The following SLC1A1 variants were observed in gnomAD, a reference collection of about 807,000 sequenced individuals.
SLC1A1 encodes excitatory amino acid transporter 3.
SLC1A1 carries 43 observed loss-of-function variants against 53.3 expected under a neutral mutation model. That is an observed-to-expected ratio of 0.81 (90% CI 0.63 to 1.04). The LOEUF is 1.04. Ranked by LOEUF, SLC1A1 falls within the 50% of genes least tolerant of loss-of-function variation. SLC1A1 has a pLI of 0.00. For synonymous variants in SLC1A1, 307 were observed against 243.2 expected, an observed-to-expected ratio of 1.26 and a Z score of -2.44; for missense variants, 748 against 664.9, an observed-to-expected ratio of 1.12 and a Z score of -1.37.
chr9:4,575,904 A>G, intron 8 of SLC1A1, 97 bp from the exon 9 acceptor site: 1 of 1,456,980 alleles, frequency 6.9e-7, no homozygotes, highest in Non-Finnish European at 9.6e-7. Context: ...TATGAAAGTC[A>G]AACAATTTTA....
intron 1 of SLC1A1, among the ~76,000 whole-genome samples, chr9:4,525,109 G>C (rs140408854): frequency 3.0e-4 from 45 of 152,270 alleles, no homozygotes; most frequent in Non-Finnish European, 5.4e-4. Context: ...CTTGGCCCAC[G>C]TGAGTGAAGG....
At chr9:4,503,533 C>G (rs1018474189) in intron 1 of SLC1A1, among the ~76,000 whole-genome samples, 7 of 151,624 alleles carry the variant, frequency 4.6e-5, no homozygotes, top group African/African-American at 1.7e-4. Context: ...TGGGAAAGTT[C>G]CTGGAGGAGG....
intron 1 of SLC1A1, among the ~76,000 whole-genome samples, chr9:4,511,285 T>C (rs1008811821): frequency 2.0e-5 from 3 of 152,138 alleles, no homozygotes; most frequent in Non-Finnish European, 4.4e-5. Context: ...CCGTGTCTGC[T>C]GAGGGCCCAC....
chr9:4,538,776 A>C (rs960326461), intron 1 of SLC1A1, among the ~76,000 whole-genome samples: 1 of 152,224 alleles, frequency 6.6e-6, no homozygotes, highest in African/African-American at 2.4e-5. Context: ...CTCTTTAGGG[A>C]GGCAGGAAGA....
intron 8 of SLC1A1, among the ~76,000 whole-genome samples, chr9:4,574,304 G>A (rs1402373199): frequency 1.3e-5 from 2 of 152,200 alleles, no homozygotes; most frequent in South Asian, 2.1e-4. Context: ...AAACCCACTC[G>A]TAGCCTCCCT....
At chr9:4,510,224 A>G (rs572672962) in intron 1 of SLC1A1, among the ~76,000 whole-genome samples, 58 of 152,312 alleles carry the variant, frequency 3.8e-4, no homozygotes, top group African/African-American at 1.3e-3. Flanking sequence ...GCCTCTAGCT[A>G]TATACCAGCA....
Position 4,542,746 on chromosome 9 carries a change from G to A in SLC1A1, c.92-1821G>A, listed in dbSNP as rs1418964246. On this transcript the variant is annotated intron_variant, in intron 1 of 11. Coordinates refer to ENST00000262352, the MANE Select transcript of SLC1A1 (RefSeq NM_004170.6). ...AGGCAGTTTATAAAGCAGGAAGTGA[G>A]CACATCGTACTTTTTAAATTTATTT... Among the ~76,000 whole-genome samples the A allele has an allele frequency of 5.3e-5, 8 of 152,236 alleles. No individual in the cohort carries two copies. In the East Asian group the frequency reaches 1.5e-3, roughly 29 times the overall value.
chr9:4,532,758 T>C (rs1327831190), intron 1 of SLC1A1, among the ~76,000 whole-genome samples: 1 of 151,994 alleles, frequency 6.6e-6, no homozygotes, highest in Non-Finnish European at 1.5e-5. Flanking sequence ...ACACACATAA[T>C]TGTCAGATTC....
At chr9:4,577,353 A>G (rs2129822065) in intron 10 of SLC1A1, among the ~76,000 whole-genome samples, 1 of 152,374 alleles carries the variant, frequency 6.6e-6, no homozygotes, top group African/African-American at 2.4e-5. Context: ...TAAAGGATAC[A>G]TAAACATTCC....
chr9:4,513,011 T>C (rs1298411801), intron 1 of SLC1A1, among the ~76,000 whole-genome samples: 1 of 152,004 alleles, frequency 6.6e-6, no homozygotes, highest in Non-Finnish European at 1.5e-5. Flanking sequence ...TTGGAACAAC[T>C]AGACATCATA....
At chr9:4,513,671 A>G (rs1312377398) in intron 1 of SLC1A1, among the ~76,000 whole-genome samples, 1 of 152,238 alleles carries the variant, frequency 6.6e-6, no homozygotes, top group Non-Finnish European at 1.5e-5. Context: ...ATACAGCTTT[A>G]TGATATGGCA....
intron 2 of SLC1A1, among the ~76,000 whole-genome samples, chr9:4,559,062 A>G (rs1818690257): frequency 6.6e-6 from 1 of 152,226 alleles, no homozygotes; most frequent in Non-Finnish European, 1.5e-5. Context: ...TTTCTTTAAG[A>G]GACCTAAACT....
intron 6 of SLC1A1, among the ~76,000 whole-genome samples, chr9:4,570,912 G>GT (rs1819971277): frequency 7.2e-6 from 1 of 138,842 alleles, no homozygotes; most frequent in Non-Finnish European, 1.5e-5. Flanking sequence ...GACCCTGTCT[G>GT]TTTAAAAAAA....
chr9:4,494,335 TACTC>T (rs1346986620), intron 1 of SLC1A1, among the ~76,000 whole-genome samples: 22 of 152,322 alleles, frequency 1.4e-4, no homozygotes, highest in Admixed American at 4.6e-4. Flanking sequence ...GTGTGAAAGA[TACTC>T]AGTTGTGTGG....
intron 3 of SLC1A1, among the ~76,000 whole-genome samples, chr9:4,563,089 G>A (rs1426684682): frequency 6.8e-6 from 1 of 147,254 alleles, no homozygotes; most frequent in Non-Finnish European, 1.5e-5. Flanking sequence ...TGCACAATGT[G>A]CACATATACC....
At position 4,583,506 on chromosome 9, in the gene SLC1A1, G is replaced by A. The variant is rs1821295242; in HGVS notation, c.1328+334G>A. Among the ~76,000 whole-genome samples, 1 of 152,140 alleles carries A rather than the reference G, an allele frequency of 6.6e-6. No homozygotes were observed. The highest frequency in any genetic ancestry group is 2.4e-5 in the African/African-American group (1 of 41,424). On this transcript the variant is annotated intron_variant, in intron 11 of 11. Transcript: ENST00000262352. The surrounding 1 kb of genome is among the most constrained non-coding windows in gnomAD (Gnocchi z 4.6). ...GCCATCCTGACCTATCCCAGCCCTG[G>A]TTCAGCATCATAGGCTCAGAACCAC...
At chr9:4,532,820 C>T (rs1161377619) in intron 1 of SLC1A1, among the ~76,000 whole-genome samples, 7 of 152,102 alleles carry the variant, frequency 4.6e-5, no homozygotes, top group Non-Finnish European at 7.4e-5. Context: ...AGAGAAAGGT[C>T]GGGTTACCCA....
chr9:4,498,551 C>T (rs953059576), intron 1 of SLC1A1, among the ~76,000 whole-genome samples: 1 of 149,764 alleles, frequency 6.7e-6, no homozygotes, highest in East Asian at 2.0e-4. Flanking sequence ...CAAAAAAAAG[C>T]ATAGTTATTC....
intron 1 of SLC1A1, among the ~76,000 whole-genome samples, chr9:4,510,751 G>A (rs1057305005): frequency 1.3e-5 from 2 of 152,142 alleles, no homozygotes; most frequent in African/African-American, 4.8e-5. Flanking sequence ...TTAGCCTTAG[G>A]CTAACTCAGC....
Sources: allele counts gnomAD v4.1 joint callset (sites outside exome capture counted in the v4.1 genomes callset), GRCh38; gene constraint gnomAD v4.1.1; non-coding constraint Gnocchi (gnomAD v3.1); transcripts MANE v1.5; gene names NCBI Gene and HGNC (gene_info 2026-07-23, HGNC 2026-07-21).